Variants in RFTN1 observed in about 807,000 individuals in gnomAD.
RFTN1 encodes raftlin.
RFTN1 carries 26 observed loss-of-function variants against 46.5 expected under a neutral mutation model. That is an observed-to-expected ratio of 0.56 (90% CI 0.41 to 0.78). The LOEUF is 0.78. Ranked by LOEUF, RFTN1 falls within the 30% of genes least tolerant of loss-of-function variation. The pLI, the probability that RFTN1 is intolerant of heterozygous loss-of-function variation, is 0.00. For synonymous variants in RFTN1, 261 were observed against 284.2 expected, an observed-to-expected ratio of 0.92 and a Z score of 0.82; for missense variants, 693 against 718.7, an observed-to-expected ratio of 0.96 and a Z score of 0.41.
intron 4 of RFTN1, among the ~76,000 whole-genome samples, chr3:16,386,854 C>T (rs2074195684): frequency 6.6e-6 from 1 of 152,154 alleles, no homozygotes; most frequent in African/African-American, 2.4e-5. Flanking sequence ...AGAGCCTACA[C>T]TTGCTATGGG....
Position 16,353,774 on chromosome 3 carries a change from G to A in RFTN1, c.1146+4158C>T, listed in dbSNP as rs1223373952. 6.6e-6 allele frequency among the ~76,000 whole-genome samples: 1 copy of A among 152,136 alleles called. No individual in the cohort carries two copies. Among genetic ancestry groups the A allele is most frequent in the East Asian group, 1.9e-4 (1 of 5,186 alleles). ...CCCACCTGTGCGTGCTCAGAGGCAAGGGCATATGAGGATACAGTGAGAAGG... is the reference window on the plus strand; with the variant it reads ...CCCACCTGTGCGTGCTCAGAGGCAAAGGCATATGAGGATACAGTGAGAAGG... On this transcript the variant is annotated intron_variant, in intron 7 of 9. Transcript: ENST00000334133. The surrounding 1 kb of genome is among the most constrained non-coding windows in gnomAD (Gnocchi z 5.4).
intron 7 of RFTN1, among the ~76,000 whole-genome samples, chr3:16,333,885 G>A (rs1335487988): frequency 6.6e-6 from 1 of 152,230 alleles, no homozygotes; most frequent in East Asian, 1.9e-4. Context: ...AAAACTACCA[G>A]CCGGGCGTGG....
Position 16,499,552 on chromosome 3 carries a change from T to C in RFTN1, c.-8-5675A>G, listed in dbSNP as rs1287301939. On this transcript the variant is annotated intron_variant, in intron 1 of 9. Coordinates refer to ENST00000334133, the MANE Select transcript of RFTN1 (RefSeq NM_015150.2). The surrounding 1 kb of genome is among the most constrained non-coding windows in gnomAD (Gnocchi z 4.9). ...TGCCTCAGTCAAGCTGCTGATGCCA[T>C]GTTAAGCAAAGACAAGCTGTTTCAC... is the stretch of plus-strand genomic sequence containing the variant. Among the ~76,000 whole-genome samples, 1 of 152,234 alleles carries C rather than the reference T, an allele frequency of 6.6e-6. No individual in the cohort carries two copies. The highest frequency in any genetic ancestry group is 6.5e-5 in the Admixed American group (1 of 15,290).
chr3:16,510,879 G>A (rs2076888949), intron 1 of RFTN1, among the ~76,000 whole-genome samples: 1 of 152,218 alleles, frequency 6.6e-6, no homozygotes, highest in East Asian at 1.9e-4. Flanking sequence ...GAAACTAGAA[G>A]AAAGAAACTA....
At position 16,449,133 on chromosome 3, in the gene RFTN1, C is replaced by T. The variant is rs1575309820; in HGVS notation, c.146-15096G>A. Among the ~76,000 whole-genome samples the T allele has an allele frequency of 6.6e-6, 1 of 152,312 alleles. No homozygotes were observed. The highest frequency in any genetic ancestry group is 1.9e-4 in the East Asian group (1 of 5,192). ...GGAAGGCTTCATGATATCTGAAATCCCCACAAATTCATACGAAATGAGTAG... is the reference window on the plus strand; with the variant it reads ...GGAAGGCTTCATGATATCTGAAATCTCCACAAATTCATACGAAATGAGTAG... On this transcript the variant is annotated intron_variant, in intron 2 of 9. Transcript: ENST00000334133. This position sits in a 1 kb window ranked among gnomAD's most constrained non-coding sequence, Gnocchi z 5.1.
At chr3:16,393,874 T>A (rs2125408032) in intron 4 of RFTN1, among the ~76,000 whole-genome samples, 1 of 152,216 alleles carries the variant, frequency 6.6e-6, no homozygotes, top group African/African-American at 2.4e-5. Context: ...TTAGCCAGGA[T>A]CATCTCGATC....
In RFTN1 at chr3:16,402,323, C is replaced by T. The variant is rs896011199; in HGVS notation, c.441+7052G>A. 6.6e-6 allele frequency among the ~76,000 whole-genome samples: 1 copy of T among 152,132 alleles called. No individual in the cohort carries two copies. The highest frequency in any genetic ancestry group is 2.4e-5 in the African/African-American group (1 of 41,414). On this transcript the variant is annotated intron_variant, in intron 4 of 9. Transcript: ENST00000334133. This position sits in a 1 kb window ranked among gnomAD's most constrained non-coding sequence, Gnocchi z 4.5. ...AACAGTAAGCAGGGTACCCCATTGC[C>T]CCCTGCAAGGCCTGCGCCAGCCGCC...
rs944337726 is a variant in RFTN1 at position 16,329,004 on chromosome 3, C to T, written c.1147-2128G>A. On this transcript the variant is annotated intron_variant, in intron 7 of 9. Transcript: ENST00000334133. This position sits in a 1 kb window ranked among gnomAD's most constrained non-coding sequence, Gnocchi z 4.5. The stretch of plus-strand genomic sequence containing the variant: ...TTTGAATGTATCCCCCAAAAAGTTT[C>T]CATGTGTTGAAAACTTAATCCCCAA... 2.6e-5 allele frequency among the ~76,000 whole-genome samples: 4 copies of T among 152,192 alleles called. No homozygotes were observed. The highest frequency in any genetic ancestry group is 5.9e-5 in the Non-Finnish European group (4 of 68,032).
At position 16,345,823 on chromosome 3, in the gene RFTN1, CGCGCGT is replaced by C. The variant is rs1416590793; in HGVS notation, c.1146+12103_1146+12108del. Among the ~76,000 whole-genome samples the C allele has an allele frequency of 0.028, 2,441 of 86,890 alleles. 64 individuals are homozygous for C. Among genetic ancestry groups the C allele is most frequent in the African/African-American group, 0.094 (2,237 of 23,690 alleles). The allele number at this position is 86,890 out of a possible 152,430, so 57.0% of individuals were successfully genotyped here. A position where few individuals can be genotyped will look rare whatever the true frequency, so the allele number is the denominator to read the frequency against. ...GTGTGTGTGTGTGTGTGTGTGCGCG[CGCGCGT>C]GCGCGCACGCGCACATGTGCATGTG... On this transcript the variant is annotated intron_variant, in intron 7 of 9. Transcript: ENST00000334133. This position sits in a 1 kb window ranked among gnomAD's most constrained non-coding sequence, Gnocchi z 5.2.
chr3:16,478,804 G>A (rs938864481), intron 2 of RFTN1, among the ~76,000 whole-genome samples: 1 of 152,236 alleles, frequency 6.6e-6, no homozygotes, highest in East Asian at 1.9e-4. Flanking sequence ...TTCACAGGAA[G>A]CCTCCCTCAG....
At chr3:16,404,976 C>T (rs1477110021) in intron 4 of RFTN1, among the ~76,000 whole-genome samples, 2 of 152,084 alleles carry the variant, frequency 1.3e-5, no homozygotes, top group African/African-American at 2.4e-5. Context: ...TTTGAGAGAC[C>T]AGAAGTACAT....
chr3:16,364,177 A>C (rs2125345508), intron 6 of RFTN1, among the ~76,000 whole-genome samples: 2 of 152,374 alleles, frequency 1.3e-5, no homozygotes, highest in South Asian at 4.1e-4. Context: ...TGCAAGTTGC[A>C]GCGCCATTTA....
chr3:16,398,509 C>G (rs200750287), intron 4 of RFTN1, among the ~76,000 whole-genome samples: 2 of 152,164 alleles, frequency 1.3e-5, no homozygotes, highest in East Asian at 1.9e-4. Context: ...GGGCCAGAAG[C>G]TGTGGGCTGC....
At position 16,504,522 on chromosome 3, in the gene RFTN1, G is replaced by A. The variant is rs2076768642; in HGVS notation, c.-9+8920C>T. 6.6e-6 allele frequency among the ~76,000 whole-genome samples: 1 copy of A among 152,202 alleles called. No homozygotes were observed. The highest frequency in any genetic ancestry group is 2.4e-5 in the African/African-American group (1 of 41,432). On this transcript the variant is annotated intron_variant, in intron 1 of 9. Coordinates refer to ENST00000334133, the MANE Select transcript of RFTN1 (RefSeq NM_015150.2). This position sits in a 1 kb window ranked among gnomAD's most constrained non-coding sequence, Gnocchi z 4.4. ...TATCTGACAGATGTTAAGTATTGCT[G>A]CATTTCCCTCAAAGATGTGAAATAT...
At chr3:16,377,222 T>C (rs1432819436) in intron 5 of RFTN1, among the ~76,000 whole-genome samples, 8 of 152,028 alleles carry the variant, frequency 5.3e-5, no homozygotes, top group Non-Finnish European at 8.8e-5. Flanking sequence ...CGTGAAGGGA[T>C]GGTGGGTAAG....
In RFTN1 at chr3:16,422,616, CG is replaced by C. The variant is rs2075208656; in HGVS notation, c.332+11234del. On this transcript the variant is annotated intron_variant, in intron 3 of 9. Coordinates refer to ENST00000334133, the MANE Select transcript of RFTN1 (RefSeq NM_015150.2). This position sits in a 1 kb window ranked among gnomAD's most constrained non-coding sequence, Gnocchi z 4.6. Reference sequence around the variant, plus strand: ...ACTGCACTCCAGCCTGGTGACAAAGCGAGACTCCGTCTAAAAAAAAAAAAGA... The same window carrying C: ...ACTGCACTCCAGCCTGGTGACAAAGCAGACTCCGTCTAAAAAAAAAAAAGA... Among the ~76,000 whole-genome samples the C allele has an allele frequency of 6.6e-6, 1 of 150,924 alleles. No individual in the cohort carries two copies. The highest frequency in any genetic ancestry group is 2.1e-4 in the South Asian group (1 of 4,796).
rs1287238452 is a variant in RFTN1, at chr3:16,408,481, C to T, written c.441+894G>A. ...TGGGGAATTGTCGATTACTAGGGAA[C>T]ACTGGGTAAGAGAGAACAAGATAAG... is the stretch of plus-strand genomic sequence containing the variant. On this transcript the variant is annotated intron_variant, in intron 4 of 9. Coordinates refer to ENST00000334133, the MANE Select transcript of RFTN1 (RefSeq NM_015150.2). 2.7e-5 allele frequency among the ~76,000 whole-genome samples: 4 copies of T among 148,846 alleles called. No individual in the cohort carries two copies. In the Admixed American group the frequency reaches 2.7e-4, roughly 10 times the overall value.
In RFTN1 at chr3:16,380,151, G is replaced by A. The variant is rs543974076; in HGVS notation, c.442-2049C>T. ...TTAAAGGCTTTTGGAAAGGCCTGAT[G>A]TGGAGCCCCAGATACGTGACTCACC... On this transcript the variant is annotated intron_variant, in intron 4 of 9. Coordinates refer to ENST00000334133, the MANE Select transcript of RFTN1 (RefSeq NM_015150.2). This position sits in a 1 kb window ranked among gnomAD's most constrained non-coding sequence, Gnocchi z 4.8. 6.6e-5 allele frequency among the ~76,000 whole-genome samples: 10 copies of A among 152,356 alleles called. No homozygotes were observed. Among genetic ancestry groups the A allele is most frequent in the African/African-American group, 2.4e-4 (10 of 41,582 alleles).
chr3:16,438,587 A>G (rs1409761936), intron 2 of RFTN1, among the ~76,000 whole-genome samples: 1 of 46,700 alleles, frequency 2.1e-5, no homozygotes, highest in Non-Finnish European at 4.1e-5. Flanking sequence ...CTCTGTCTCA[A>G]AAAAAAAAAA....
Sources: allele counts gnomAD v4.1 joint callset (sites outside exome capture counted in the v4.1 genomes callset), GRCh38; gene constraint gnomAD v4.1.1; non-coding constraint Gnocchi (gnomAD v3.1); transcripts MANE v1.5; gene names NCBI Gene and HGNC (gene_info 2026-07-23, HGNC 2026-07-21).